NPAS3: variants seen among roughly 807,000 people sequenced by gnomAD.
The protein encoded by NPAS3 is neuronal PAS domain-containing protein 3.
NPAS3 carries 14 observed loss-of-function variants against 73.1 expected under a neutral mutation model. The observed-to-expected ratio is 0.19, with a 90% CI of 0.13 to 0.30. NPAS3 has a LOEUF of 0.30. Among genes scored for constraint, NPAS3 ranks in the 10% least tolerant of loss-of-function variants. The pLI is 1.00. For missense variants in NPAS3, 1,096 were observed against 1,250.0 expected (o/e 0.88, Z 1.86); for synonymous variants, 620 against 541.5 (o/e 1.14, Z -2.01).
intron 3 of NPAS3, among the ~76,000 whole-genome samples, chr14:33,314,356 G>A (rs2043124398): frequency 6.6e-6 from 1 of 151,890 alleles, no homozygotes; most frequent in South Asian, 2.1e-4. Flanking sequence ...AGCTTTCATA[G>A]GAGCTACACA....
At chr14:33,071,557 C>T (rs1040325318) in intron 2 of NPAS3, among the ~76,000 whole-genome samples, 4 of 152,198 alleles carry the variant, frequency 2.6e-5, no homozygotes, top group Non-Finnish European at 5.9e-5. Context: ...AGCTAATCTA[C>T]ATCCTTCCTA....
At chr14:32,978,278 T>C (rs1370480404) in intron 1 of NPAS3, among the ~76,000 whole-genome samples, 1 of 151,906 alleles carries the variant, frequency 6.6e-6, no homozygotes, top group Non-Finnish European at 1.5e-5. Flanking sequence ...AGATTGGGAG[T>C]TGGGATGGGG....
At chr14:33,340,368 G>A (rs1332582981) in intron 3 of NPAS3, among the ~76,000 whole-genome samples, 4 of 152,112 alleles carry the variant, frequency 2.6e-5, no homozygotes, top group South Asian at 2.1e-4. Flanking sequence ...GGTGGTGGGC[G>A]CCTGTAATCC....
chr14:33,617,770 G>A (rs1223415727), intron 5 of NPAS3, among the ~76,000 whole-genome samples: 1 of 152,254 alleles, frequency 6.6e-6, no homozygotes, highest in African/African-American at 2.4e-5. Context: ...GATTTTTATA[G>A]CATCTTCTCT....
intron 3 of NPAS3, among the ~76,000 whole-genome samples, chr14:33,350,545 A>G (rs1017361857): frequency 1.3e-5 from 2 of 152,208 alleles, no homozygotes; most frequent in African/African-American, 2.4e-5. Flanking sequence ...GGTGTATGCA[A>G]ATTGGTTCAA....
chr14:33,318,722 G>T (rs1313381300), intron 3 of NPAS3, among the ~76,000 whole-genome samples: 1 of 152,026 alleles, frequency 6.6e-6, no homozygotes, highest in African/African-American at 2.4e-5. Flanking sequence ...GAAATGTATA[G>T]TCATAATGGA....
chr14:33,520,439 TAAG>T (rs1264508840), intron 4 of NPAS3, among the ~76,000 whole-genome samples: 1 of 152,068 alleles, frequency 6.6e-6, no homozygotes, highest in Non-Finnish European at 1.5e-5. Context: ...TGAGATGAAA[TAAG>T]AACACCACAT....
At chr14:33,347,253 G>T (rs2044783606) in intron 3 of NPAS3, among the ~76,000 whole-genome samples, 1 of 152,104 alleles carries the variant, frequency 6.6e-6, no homozygotes. Context: ...TTTCTAATGG[G>T]GTTATTTGTA....
At chr14:33,795,725 C>T (rs954893260) in intron 10 of NPAS3, among the ~76,000 whole-genome samples, 1 of 152,186 alleles carries the variant, frequency 6.6e-6, no homozygotes, top group Non-Finnish European at 1.5e-5. Context: ...TGACTTCCTC[C>T]TCTGCCCACA....
intron 2 of NPAS3, among the ~76,000 whole-genome samples, chr14:33,131,437 G>GTCTAGCTATTATCTCCTAAGAA (rs33934951): frequency 1.9e-3 from 1 of 538 alleles, no homozygotes; most frequent in Admixed American, 0.018. Flanking sequence ...CTTCCACGTG[G>GTCTAGCTATTATCTCCTAAGAA]TTAAGCAGAT....
rs146968182 is a variant in NPAS3, at chr14:33,621,542, C to A, written c.559-54669C>A. 1.6e-4 allele frequency among the ~76,000 whole-genome samples: 24 copies of A among 152,238 alleles called. No homozygotes were observed. The East Asian group carries it at 4.6e-3, about 29-fold the overall frequency. The stretch of plus-strand genomic sequence containing the variant: ...GGAATCTAATTTTATTAACTATCTC[C>A]ATACCCCCACTATGGTTAAATTTTT... On this transcript the variant is annotated intron_variant, in intron 5 of 11. Coordinates refer to ENST00000356141, the Ensembl canonical transcript of NPAS3.
chr14:33,340,430 G>T (rs1296996026), intron 3 of NPAS3, among the ~76,000 whole-genome samples: 1 of 152,256 alleles, frequency 6.6e-6, no homozygotes, highest in Non-Finnish European at 1.5e-5. Context: ...GGGAGGCAGA[G>T]GTTGCAGTGA....
At chr14:33,126,814 G>A (rs113204456) in intron 2 of NPAS3, among the ~76,000 whole-genome samples, 98 of 152,226 alleles carry the variant, frequency 6.4e-4, no homozygotes, top group African/African-American at 2.3e-3. Flanking sequence ...GTTGAGATTT[G>A]TTCCCAACCT....
At chr14:33,011,891 C>T (rs550723969) in intron 1 of NPAS3, among the ~76,000 whole-genome samples, 10 of 152,210 alleles carry the variant, frequency 6.6e-5, no homozygotes, top group Non-Finnish European at 1.3e-4. Context: ...ATTCAGGTTT[C>T]GAAAGGCCAG....
At chr14:33,311,269 A>G (rs1053947078) in intron 3 of NPAS3, among the ~76,000 whole-genome samples, 2 of 152,162 alleles carry the variant, frequency 1.3e-5, no homozygotes, top group East Asian at 3.9e-4. Flanking sequence ...TGAAAACCAT[A>G]TGAACAGTGC....
rs1594834812 is a variant in NPAS3, at chr14:33,398,907, T to G, written c.468+31639T>G. ...TCTAAGGGGCTCCTGAGGTTATATT[T>G]TGCTACAATATGAAAATTAATTGTG... On this transcript the variant is annotated intron_variant, in intron 4 of 11. Transcript: ENST00000356141. Among the ~76,000 whole-genome samples, 13 of 152,214 alleles carry G rather than the reference T, an allele frequency of 8.5e-5. No individual in the cohort carries two copies. The East Asian group carries it at 2.5e-3, about 29-fold the overall frequency.
At chr14:33,155,927 T>C (rs1595566456) in intron 2 of NPAS3, among the ~76,000 whole-genome samples, 1 of 152,230 alleles carries the variant, frequency 6.6e-6, no homozygotes, top group Non-Finnish European at 1.5e-5. Flanking sequence ...ATGCCCTCTG[T>C]CAATTTATTC....
At chr14:33,244,526 C>A (rs1594490933) in intron 3 of NPAS3, among the ~76,000 whole-genome samples, 2 of 148,208 alleles carry the variant, frequency 1.3e-5, no homozygotes, top group African/African-American at 5.1e-5. Flanking sequence ...AAAAAAAAAA[C>A]ATATTTATCT....
intron 6 of NPAS3, among the ~76,000 whole-genome samples, chr14:33,683,227 C>T (rs1368906774): frequency 1.3e-5 from 2 of 151,920 alleles, no homozygotes; most frequent in Admixed American, 1.3e-4. Flanking sequence ...TTATATGCAG[C>T]ATTCTTTTTC....
Sources: gnomAD v4.1 joint callset for allele counts (sites outside exome capture counted in the v4.1 genomes callset) on GRCh38, gnomAD v4.1.1 for gene constraint, MANE v1.5 for transcripts, NCBI Gene and HGNC (gene_info 2026-07-23, HGNC 2026-07-21) for gene names.